TRPC5: variants seen among roughly 807,000 people sequenced by gnomAD.
The protein encoded by TRPC5 is transient receptor potential cation channel subfamily C member 5.
In TRPC5, 9 loss-of-function variants were observed where a neutral mutation model predicts 56.5. That is an observed-to-expected ratio of 0.16 (90% confidence interval 0.10 to 0.28). TRPC5 has a LOEUF of 0.28. TRPC5 is among the 10% of genes least tolerant of loss of function. TRPC5 has a pLI of 1.00. For synonymous variants in TRPC5, 282 were observed against 278.5 expected (o/e 1.01, Z -0.13); for missense variants, 469 against 748.9 (o/e 0.63, Z 4.36).
chrX:111,835,555 G>A (rs1171379284), intron 6 of TRPC5, among the ~76,000 whole-genome samples: 13 of 111,771 alleles, frequency 1.2e-4, no homozygotes, highest in East Asian at 5.6e-4. Context: ...TTGGGAGGCC[G>A]AGGCGGGTGG....
intron 3 of TRPC5, among the ~76,000 whole-genome samples, chrX:111,861,564 G>A (rs943973252): frequency 9.0e-6 from 1 of 111,655 alleles, no homozygotes; most frequent in African/African-American, 3.3e-5. Flanking sequence ...ACGTTATAAT[G>A]GTAACTTTTA....
At chrX:112,034,330 T>A (rs981564324) in intron 1 of TRPC5, among the ~76,000 whole-genome samples, 3 of 109,057 alleles carry the variant, frequency 2.8e-5, no homozygotes, top group African/African-American at 9.9e-5. Flanking sequence ...TTTTTTTTTT[T>A]AGTTTTTGGT....
chrX:111,820,142 C>T (rs1322610845), intron 7 of TRPC5, among the ~76,000 whole-genome samples: 1 of 112,239 alleles, frequency 8.9e-6, no homozygotes, highest in Non-Finnish European at 1.9e-5. Context: ...TAAACACTTG[C>T]AATGGATATA....
chrX:111,874,920 A>G (rs1209947879), intron 3 of TRPC5, among the ~76,000 whole-genome samples: 3 of 112,643 alleles, frequency 2.7e-5, no homozygotes, highest in African/African-American at 9.7e-5. Flanking sequence ...TGGGCCCTCT[A>G]TAGAAAGAGT....
intron 7 of TRPC5, among the ~76,000 whole-genome samples, chrX:111,822,736 A>C (rs1922070394): frequency 8.9e-6 from 1 of 112,368 alleles, no homozygotes; most frequent in Non-Finnish European, 1.9e-5. Flanking sequence ...ATAGATATTT[A>C]TTCAATTGTT....
At chrX:112,070,659 G>A (rs1300706192) in intron 1 of TRPC5, among the ~76,000 whole-genome samples, 2 of 110,325 alleles carry the variant, frequency 1.8e-5, no homozygotes, top group Non-Finnish European at 3.8e-5. Context: ...TCATCAGGTT[G>A]TTGTTTCATT....
intron 1 of TRPC5, among the ~76,000 whole-genome samples, chrX:111,994,497 A>T (rs1179555460): frequency 9.0e-6 from 1 of 111,549 alleles, no homozygotes; most frequent in Non-Finnish European, 1.9e-5. Flanking sequence ...TTTGGGCAGT[A>T]TGGCCATTTT....
At chrX:111,930,806 A>G (rs1019239091) in intron 2 of TRPC5, 2 of 110,427 alleles carry the variant, frequency 1.8e-5, no homozygotes, top group Non-Finnish European at 1.9e-5. Flanking sequence ...CCAGATCAAG[A>G]CTCATGTAGC....
In TRPC5 at chrX:111,952,386, G is replaced by A. The variant is rs745641312; in HGVS notation, c.35C>T (p.Ser12Leu). The change falls in exon 2 of 11, where the codon TCA (serine) becomes TTA (leucine). Residue 12 changes from serine to leucine, a missense_variant. Ser to Leu is a moderately radical substitution (Grantham distance 145). Transcript: ENST00000262839. ...CAGGGGGATGCGGTCTCTGTACGGT[G>A]AGTAGTTGACCTTTTTGTAGTACAG... is the stretch of plus-strand genomic sequence containing the variant. The part of the protein sequence containing the change: ...AQLYYKKVNY[S>L]PYRDRIPLQI... 8.3e-7 allele frequency: 1 copy of A among 1,209,379 alleles called. No homozygotes were observed. Among genetic ancestry groups the A allele is most frequent in the Admixed American group, 2.2e-5 (1 of 45,752 alleles).
At chrX:111,888,693 C>CAAAAAAAAAAAAAAA (rs753735549) in intron 3 of TRPC5, among the ~76,000 whole-genome samples, 7 of 10,973 alleles carry the variant, frequency 6.4e-4, no homozygotes, top group Non-Finnish European at 1.0e-3. Context: ...GACTCTATCT[C>CAAAAAAAAAAAAAAA]AAAAAAAAAA....
intron 7 of TRPC5, among the ~76,000 whole-genome samples, chrX:111,814,311 A>G (rs1255097479): frequency 1.8e-5 from 2 of 109,339 alleles, no homozygotes; most frequent in Non-Finnish European, 3.8e-5. Context: ...ATGGGGAGCC[A>G]ATTCCCTCCC....
chrX:111,957,726 C>CT (rs1927273812), intron 1 of TRPC5, among the ~76,000 whole-genome samples: 1 of 112,106 alleles, frequency 8.9e-6, no homozygotes, highest in Admixed American at 9.5e-5. Context: ...TGCTGTGCAT[C>CT]TACTATTTGT....
intron 1 of TRPC5, among the ~76,000 whole-genome samples, chrX:112,027,295 C>T (rs1443796726): frequency 2.7e-5 from 3 of 111,436 alleles, no homozygotes; most frequent in Admixed American, 9.5e-5. Flanking sequence ...TGTGTGTATG[C>T]GCATGTGTGT....
chrX:111,812,121 T>C (rs1363021921), intron 7 of TRPC5, among the ~76,000 whole-genome samples: 5 of 110,960 alleles, frequency 4.5e-5, no homozygotes, highest in African/African-American at 1.6e-4. Context: ...GGTGGTTTTT[T>C]TTTTTTAATC....
intron 3 of TRPC5, among the ~76,000 whole-genome samples, chrX:111,858,670 CCTAT>C (rs1199671886): frequency 9.0e-6 from 1 of 110,716 alleles, no homozygotes; most frequent in Non-Finnish European, 1.9e-5. Flanking sequence ...TTTTGGCTTC[CCTAT>C]CTTAGTGTAC....
intron 1 of TRPC5, among the ~76,000 whole-genome samples, chrX:112,045,554 C>A (rs977526687): frequency 9.0e-6 from 1 of 111,507 alleles, no homozygotes; most frequent in Non-Finnish European, 1.9e-5. Flanking sequence ...ATTAAAGGCC[C>A]CTGGCACACA....
At chrX:111,961,387 T>G (rs1239983374) in intron 1 of TRPC5, among the ~76,000 whole-genome samples, 2 of 111,907 alleles carry the variant, frequency 1.8e-5, no homozygotes, top group Non-Finnish European at 3.8e-5. Context: ...TGTGTAGGAA[T>G]TTTTCATACA....
At chrX:111,928,004 A>T (rs374206615) in intron 2 of TRPC5, among the ~76,000 whole-genome samples, 1 of 110,535 alleles carries the variant, frequency 9.0e-6, no homozygotes, top group East Asian at 2.9e-4. Context: ...GCAAGAATTG[A>T]TTAGGGTTGG....
At chrX:111,778,605 G>A (rs3027753) in intron 10 of TRPC5, among the ~76,000 whole-genome samples, 2,630 of 111,962 alleles carry the variant, frequency 0.023, 75 homozygotes, top group African/African-American at 0.081. Flanking sequence ...TTTAATAACA[G>A]ATTTTTTGAT....
Sources: gnomAD v4.1 joint callset for allele counts (sites outside exome capture counted in the v4.1 genomes callset) on GRCh38, gnomAD v4.1.1 for gene constraint, MANE v1.5 for transcripts, NCBI Gene and HGNC (gene_info 2026-07-23, HGNC 2026-07-21) for gene names.